The following NAA15 variants were observed in gnomAD, a reference collection of about 807,000 sequenced individuals.
The protein encoded by NAA15 is N-alpha-acetyltransferase 15, NatA auxiliary subunit.
A neutral mutation model predicts 114.0 loss-of-function variants in NAA15; 34 were observed. The ratio of observed to expected loss-of-function variants is 0.30; its 90% CI spans 0.23 to 0.40. The LOEUF (loss-of-function observed/expected upper bound fraction) is 0.40. NAA15 is among the 10% of genes least tolerant of loss of function. The pLI, the probability that NAA15 is intolerant of heterozygous loss-of-function variation, is 1.00. For missense variants in NAA15, 658 were observed against 1,004.5 expected, an observed-to-expected ratio of 0.66 and a Z score of 4.66; for synonymous variants, 340 against 338.0, an observed-to-expected ratio of 1.01 and a Z score of -0.06.
chr4:139,322,687 A>C (rs1447195708), intron 1 of NAA15, among the ~76,000 whole-genome samples: 74 of 151,942 alleles, frequency 4.9e-4, no homozygotes, highest in Non-Finnish European at 2.9e-5. Context: ...GTGAGTGTGT[A>C]TATGTGTGTA....
chr4:139,381,634 A>T (rs1048344203), intron 17 of NAA15, among the ~76,000 whole-genome samples: 1 of 151,932 alleles, frequency 6.6e-6, no homozygotes, highest in African/African-American at 2.4e-5. Flanking sequence ...GTAATCACTT[A>T]CTCGGTTGTA....
chr4:139,337,838 A>G (rs1184168456), intron 3 of NAA15, among the ~76,000 whole-genome samples: 1 of 152,200 alleles, frequency 6.6e-6, no homozygotes, highest in Admixed American at 6.5e-5. Flanking sequence ...TTTACAGAAC[A>G]TTTAGGAGTA....
intron 14 of NAA15, among the ~76,000 whole-genome samples, chr4:139,368,635 A>G (rs1748349423): frequency 6.6e-6 from 1 of 152,174 alleles, no homozygotes; most frequent in Non-Finnish European, 1.5e-5. Flanking sequence ...TTTATGTCCT[A>G]ATATTAATGT....
intron 15 of NAA15, among the ~76,000 whole-genome samples, chr4:139,375,279 G>A (rs1284816046): frequency 6.6e-6 from 1 of 152,114 alleles, no homozygotes; most frequent in Non-Finnish European, 1.5e-5. Flanking sequence ...TATTAGAGTG[G>A]CAGAGCCATA....
chr4:139,372,016 C>T (rs1031831160), intron 15 of NAA15, among the ~76,000 whole-genome samples: 2 of 151,988 alleles, frequency 1.3e-5, no homozygotes, highest in African/African-American at 4.8e-5. Flanking sequence ...CCCAGGTTCA[C>T]GCCATTCTCC....
At chr4:139,338,587 A>T (rs1324512732) in intron 3 of NAA15, among the ~76,000 whole-genome samples, 1 of 152,118 alleles carries the variant, frequency 6.6e-6, no homozygotes, top group African/African-American at 2.4e-5. Context: ...AGCTGGCATT[A>T]CAGGTGCACA....
intron 1 of NAA15, among the ~76,000 whole-genome samples, chr4:139,320,634 C>T (rs983795800): frequency 2.6e-5 from 4 of 152,180 alleles, no homozygotes; most frequent in Non-Finnish European, 4.4e-5. Flanking sequence ...GATTCTCCTG[C>T]CTCTGCCTCC....
chr4:139,332,847 G>T (rs1440188823), intron 1 of NAA15, among the ~76,000 whole-genome samples: 1 of 152,138 alleles, frequency 6.6e-6, no homozygotes, highest in Non-Finnish European at 1.5e-5. Context: ...CTACCAAAGT[G>T]CTGGGATTAC....
chr4:139,330,613 A>C (rs7682614), intron 1 of NAA15, among the ~76,000 whole-genome samples: 2 of 152,016 alleles, frequency 1.3e-5, no homozygotes, highest in African/African-American at 4.8e-5. Context: ...TGAGTTGAAG[A>C]GGGGGAATCA....
intron 1 of NAA15, among the ~76,000 whole-genome samples, chr4:139,324,586 T>C (rs1746727786): frequency 6.6e-6 from 1 of 152,190 alleles, no homozygotes; most frequent in African/African-American, 2.4e-5. Context: ...ATACCATATG[T>C]AGTATTTTGC....
At chr4:139,340,777 C>T (rs1015279620) in intron 3 of NAA15, 135 bp from the exon 4 acceptor site, 26 of 600,742 alleles carry the variant, frequency 4.3e-5, no homozygotes, top group Non-Finnish European at 6.7e-5. Flanking sequence ...TCTTTGAAAT[C>T]AATCTCCCCC....
intron 14 of NAA15, 23 bp from the exon 15 acceptor site, chr4:139,370,188 A>G (rs748543111): frequency 2.5e-5 from 36 of 1,461,162 alleles, no homozygotes; most frequent in Non-Finnish European, 3.3e-5. Context: ...TGTTAATTTT[A>G]TTAATTAACT....
At chr4:139,326,528 A>G (rs567249439) in intron 1 of NAA15, among the ~76,000 whole-genome samples, 1 of 152,346 alleles carries the variant, frequency 6.6e-6, no homozygotes, top group East Asian at 1.9e-4. Context: ...TTATAGAATT[A>G]AAGTATAGAG....
At chr4:139,339,328 C>G (rs1464742068) in intron 3 of NAA15, among the ~76,000 whole-genome samples, 1 of 152,070 alleles carries the variant, frequency 6.6e-6, no homozygotes, top group Non-Finnish European at 1.5e-5. Flanking sequence ...GACCTCGTCT[C>G]TATGGAAAAT....
Position 139,306,603 on chromosome 4 carries a change from T to TTG in NAA15, c.54+4773_54+4774insGT, listed in dbSNP as rs1553991751. ...TTTTTTTTTTTTTGGTCTGGTTTTT[T>TTG]TTTTGTTTTGTTTTGTTTTGTTTTG... is the stretch of plus-strand genomic sequence containing the variant. On this transcript the variant is annotated intron_variant, in intron 1 of 19. Coordinates refer to ENST00000296543, the MANE Select transcript of NAA15 (RefSeq NM_057175.5). 1.6e-3 allele frequency among the ~76,000 whole-genome samples: 236 copies of TTG among 148,558 alleles called. 1 individual carries two copies. Among genetic ancestry groups the TTG allele is most frequent in the African/African-American group, 4.8e-3 (195 of 40,406 alleles).
chr4:139,351,276 C>T lies in NAA15; in HGVS notation c.897C>T (p.Asn299=), dbSNP rs746648645. ...RGLVPRRLPL[N]FLSGEKFKEC... is the part of the protein sequence containing the mutation. ...TGGTGCCAAGAAGGCTGCCGTTAAA[C>T]TTTTTATCTGGTAAGTGAGAATAAT... The change falls in exon 8 of 20, where the codon AAC becomes AAT. Residue 299 remains asparagine, a synonymous_variant. Transcript: ENST00000296543. 4 of 1,596,796 alleles carry T rather than the reference C, an allele frequency of 2.5e-6. No homozygotes were observed. In the Admixed American group the frequency reaches 6.7e-5, roughly 27 times the overall value.
chr4:139,325,198 T>C (rs1431868682), intron 1 of NAA15, among the ~76,000 whole-genome samples: 2 of 152,228 alleles, frequency 1.3e-5, no homozygotes, highest in Non-Finnish European at 2.9e-5. Context: ...CTCACTTTAT[T>C]TTGGGCATTT....
At chr4:139,359,121 TTC>T (rs1162415008) in intron 11 of NAA15, among the ~76,000 whole-genome samples, 1 of 151,616 alleles carries the variant, frequency 6.6e-6, no homozygotes, top group African/African-American at 2.4e-5. Context: ...AAAAAAAGAT[TTC>T]TGTTATTATT....
chr4:139,329,217 GT>G (rs1322469633), intron 1 of NAA15, among the ~76,000 whole-genome samples: 4 of 151,776 alleles, frequency 2.6e-5, no homozygotes, highest in African/African-American at 9.7e-5. Context: ...AATTCTATTT[GT>G]TTTTTTCGAA....
Sources: gnomAD v4.1 joint callset for allele counts (sites outside exome capture counted in the v4.1 genomes callset) on GRCh38, gnomAD v4.1.1 for gene constraint, MANE v1.5 for transcripts, NCBI Gene and HGNC (gene_info 2026-07-23, HGNC 2026-07-21) for gene names.